PRKCG: variants seen among roughly 807,000 people sequenced by gnomAD.
PRKCG encodes protein kinase C gamma.
Under a neutral mutation model 82.0 loss-of-function variants are expected in PRKCG, and 28 were observed. The observed-to-expected ratio is 0.34, with a 90% confidence interval of 0.25 to 0.47. PRKCG has a LOEUF of 0.47. Among genes scored for constraint, PRKCG ranks in the 20% least tolerant of loss-of-function variants. PRKCG has a pLI of 1.00. For missense variants in PRKCG, 640 were observed against 952.7 expected (o/e 0.67, Z 4.32); for synonymous variants, 383 against 376.6 (o/e 1.02, Z -0.20).
At position 53,889,881 on chromosome 19, in the gene PRKCG, T is replaced by A. The variant is rs1394520939; in HGVS notation, c.398-5T>A. ...TGAGGTGCTACCCGCAGCTTTCCCC[T>A]CCAGGCTGCGAGATGAACGTGCACC... On this transcript the variant is annotated splice_polypyrimidine_tract_variant and splice_region_variant and intron_variant, in intron 4 of 17. Coordinates refer to ENST00000263431, the MANE Select transcript of PRKCG (RefSeq NM_002739.5). The surrounding 1 kb of genome is among the most constrained non-coding windows in gnomAD (Gnocchi z 4.4). The A allele has an allele frequency of 3.2e-6, 5 of 1,565,150 alleles. No homozygotes were observed. The highest frequency in any genetic ancestry group is 1.4e-5 in the African/African-American group (1 of 73,168).
intron 5 of PRKCG, 68 bp downstream of exon 5, chr19:53,890,085 C>T (rs1296983670): frequency 6.7e-7 from 1 of 1,496,902 alleles, no homozygotes; most frequent in African/African-American, 1.4e-5. Flanking sequence ...ACCCAAGGCA[C>T]TTGTGCTGGC....
chr19:53,892,786 A>G lies in PRKCG; in HGVS notation c.821+143A>G, dbSNP rs45496699. ...CACACACACACACACACACACGCACACACACGCACACACCCCTCTCTCTCT... is the reference window on the plus strand; with the variant it reads ...CACACACACACACACACACACGCACGCACACGCACACACCCCTCTCTCTCT... On this transcript the variant is annotated intron_variant, in intron 7 of 17. Transcript: ENST00000263431. This position sits in a 1 kb window ranked among gnomAD's most constrained non-coding sequence, Gnocchi z 5.9. The G allele has an allele frequency of 2.9e-5, 30 of 1,043,466 alleles. No homozygotes were observed. Among genetic ancestry groups the G allele is most frequent in the African/African-American group, 6.9e-5 (4 of 58,000 alleles). The allele number at this position is 1,043,466 out of a possible 1,614,324, so 64.6% of individuals were successfully genotyped here. A position where few individuals can be genotyped will look rare whatever the true frequency, so the allele number is the denominator to read the frequency against.
At position 53,889,941 on chromosome 19, in the gene PRKCG, T is replaced by C; in HGVS notation, c.453T>C (p.Gly151=). The change falls in exon 5 of 18, where the codon GGT becomes GGC. Residue 151 remains glycine, a synonymous_variant. Coordinates refer to ENST00000263431, the MANE Select transcript of PRKCG (RefSeq NM_002739.5). The surrounding 1 kb of genome is among the most constrained non-coding windows in gnomAD (Gnocchi z 4.4). ...TGCGTAGCGTGCCCTCCCTGTGCGGTGTGGACCACACCGAGCGCCGCGGGC... is the reference window on the plus strand; with the variant it reads ...TGCGTAGCGTGCCCTCCCTGTGCGGCGTGGACCACACCGAGCGCCGCGGGC... ...RCVRSVPSLC[G]VDHTERRGRL... 6.3e-7 allele frequency: 1 copy of C among 1,581,348 alleles called. No individual in the cohort carries two copies. Among genetic ancestry groups the C allele is most frequent in the Non-Finnish European group, 8.6e-7 (1 of 1,164,852 alleles).
At chr19:53,888,385 G>T (rs1373962087) in intron 3 of PRKCG, among the ~76,000 whole-genome samples, 1 of 152,120 alleles carries the variant, frequency 6.6e-6, no homozygotes, top group Non-Finnish European at 1.5e-5. Context: ...GGGGGTAGTG[G>T]GTGGCAGGGG....
Position 53,884,636 on chromosome 19 carries a change from G to A in PRKCG, c.285+393G>A, listed in dbSNP as rs562091271. On this transcript the variant is annotated intron_variant, in intron 3 of 17. Coordinates refer to ENST00000263431, the MANE Select transcript of PRKCG (RefSeq NM_002739.5). The surrounding 1 kb of genome is among the most constrained non-coding windows in gnomAD (Gnocchi z 4.6). ...AGGGAGAGGAACAGAGACAGAAGAA[G>A]ACAGAGACCTAGGAGAGACTGAAGC... Among the ~76,000 whole-genome samples, 4 of 152,262 alleles carry A rather than the reference G, an allele frequency of 2.6e-5. No individual in the cohort carries two copies. The East Asian group carries it at 7.7e-4, about 29-fold the overall frequency.
intron 17 of PRKCG, 57 bp from the exon 18 acceptor site, chr19:53,906,650 G>A (rs1318050257): frequency 1.3e-5 from 20 of 1,589,036 alleles, no homozygotes; most frequent in Non-Finnish European, 1.6e-5. Context: ...GTACACAGAG[G>A]GACACCCGAG....
intron 9 of PRKCG, among the ~76,000 whole-genome samples, chr19:53,897,224 G>C (rs753570439): frequency 1.3e-5 from 2 of 152,142 alleles, no homozygotes; most frequent in African/African-American, 4.8e-5. Context: ...GACATGACCT[G>C]GTTTATTTAT....
chr19:53,885,602 C>G (rs1340446114), intron 3 of PRKCG, among the ~76,000 whole-genome samples: 3 of 152,086 alleles, frequency 2.0e-5, no homozygotes, highest in Non-Finnish European at 4.4e-5. Flanking sequence ...CTGGACACTT[C>G]CAGGCTTGTT....
intron 5 of PRKCG, 117 bp from the exon 6 acceptor site, chr19:53,891,557 C>T (rs1309014413): frequency 6.1e-6 from 8 of 1,313,110 alleles, no homozygotes; most frequent in Non-Finnish European, 5.5e-6. Context: ...GCTGGGATTA[C>T]AGGCATGAGC....
chr19:53,890,554 T>C (rs1048930444), intron 5 of PRKCG, among the ~76,000 whole-genome samples: 4 of 151,740 alleles, frequency 2.6e-5, no homozygotes, highest in African/African-American at 4.8e-5. Flanking sequence ...CCACCGCGCC[T>C]GGCCAATGGC....
chr19:53,893,403 C>A lies in PRKCG; in HGVS notation c.939+12C>A. 1 of 1,612,590 alleles carries A rather than the reference C, an allele frequency of 6.2e-7. No homozygotes were observed. The highest frequency in any genetic ancestry group is 8.5e-7 in the Non-Finnish European group (1 of 1,178,594). ...TGGAATTGTATGAGGTGAGTAGAACCAGGGCGTTGAATGGAGGCAGTTTTT... is the reference window on the plus strand; with the variant it reads ...TGGAATTGTATGAGGTGAGTAGAACAAGGGCGTTGAATGGAGGCAGTTTTT... On this transcript the variant is annotated intron_variant, in intron 9 of 17. Transcript: ENST00000263431.
chr19:53,882,498 G>A lies in PRKCG; in HGVS notation c.4G>A (p.Ala2Thr), dbSNP rs201929642. Reference protein sequence around the residue: MAGLGPGVGDSE... With the variant: MTGLGPGVGDSE... ...TCCCTGCTACGTTTCTGGGGCCATG[G>A]CTGGTCTGGGCCCCGGCGTAGGCGA... Residue 2 changes from alanine (A) to threonine (T), a missense_variant, in exon 1 of 18, where the codon GCT becomes ACT. Transcript: ENST00000263431. This position sits in a 1 kb window ranked among gnomAD's most constrained non-coding sequence, Gnocchi z 6.1. 6.2e-7 allele frequency: 1 copy of A among 1,613,694 alleles called. No individual in the cohort carries two copies. Among genetic ancestry groups the A allele is most frequent in the Non-Finnish European group, 8.5e-7 (1 of 1,179,796 alleles).
upstream of PRKCG, among the ~76,000 whole-genome samples, chr19:53,881,147 G>A (rs2122970115): frequency 6.9e-6 from 1 of 145,448 alleles, no homozygotes; most frequent in African/African-American, 2.5e-5. Context: ...GAGAGAGAGA[G>A]ATCAACAGAG....
At chr19:53,881,412 C>T (rs143436829), upstream of PRKCG, among the ~76,000 whole-genome samples, 1 of 151,240 alleles carries the variant, frequency 6.6e-6, no homozygotes, top group African/African-American at 2.4e-5. Flanking sequence ...AGAGTCACAG[C>T]CTGAGAGAGA....
At chr19:53,906,623 C>A in intron 17 of PRKCG, 84 bp from the exon 18 acceptor site, 1 of 1,560,332 alleles carries the variant, frequency 6.4e-7, no homozygotes, top group Non-Finnish European at 8.8e-7. Flanking sequence ...CTGCAGGAGA[C>A]AGGAGATGAG....
Position 53,884,086 on chromosome 19 carries a change from A to C in PRKCG, c.203-75A>C, listed in dbSNP as rs1275434356. ...TGTCCGAGTTCCGCTCTCTCTTTCC[A>C]ATTTTCTGTCTGCTGGGGTCTCCCG... On this transcript the variant is annotated intron_variant, in intron 2 of 17. Transcript: ENST00000263431. This position sits in a 1 kb window ranked among gnomAD's most constrained non-coding sequence, Gnocchi z 4.6. 1 of 1,452,444 alleles carries C rather than the reference A, an allele frequency of 6.9e-7. No individual in the cohort carries two copies. Among genetic ancestry groups the C allele is most frequent in the Non-Finnish European group, 9.6e-7 (1 of 1,036,612 alleles). 90.0% of individuals were successfully genotyped at this position (1,452,444 alleles called of 1,614,324 possible).
At chr19:53,906,078 CCTCCTCCTTCTTCTT>C (rs2068805524) in intron 16 of PRKCG, among the ~76,000 whole-genome samples, 1 of 43,792 alleles carries the variant, frequency 2.3e-5, no homozygotes, top group Non-Finnish European at 3.7e-5. Context: ...TCCTCCTCCT[CCTCCTCCTTCTTCTT>C]CTTCTTCTTC....
Position 53,889,907 on chromosome 19 carries a change from G to T in PRKCG, c.419G>T (p.Arg140Leu). 1 of 1,583,934 alleles carries T rather than the reference G, an allele frequency of 6.3e-7. No homozygotes were observed. The highest frequency in any genetic ancestry group is 8.6e-7 in the Non-Finnish European group (1 of 1,165,874). ...CCAGGCTGCGAGATGAACGTGCACC[G>T]GCGCTGTGTGCGTAGCGTGCCCTCC... ...KCSCCEMNVHRRCVRSVPSLC... is the reference protein window; with the variant it reads ...KCSCCEMNVHLRCVRSVPSLC... Residue 140 changes from arginine to leucine, a missense_variant, in exon 5 of 18, where the codon CGG (arginine) becomes CTG (leucine). This residue lies in a region of PRKCG where 261 missense variants were observed against 312.1 expected (regional missense o/e 0.84). Coordinates refer to ENST00000263431, the MANE Select transcript of PRKCG (RefSeq NM_002739.5). The surrounding 1 kb of genome is among the most constrained non-coding windows in gnomAD (Gnocchi z 4.4).
intron 3 of PRKCG, among the ~76,000 whole-genome samples, chr19:53,886,883 A>G (rs1032062095): frequency 1.3e-5 from 2 of 152,232 alleles, no homozygotes; most frequent in Admixed American, 6.5e-5. Flanking sequence ...AGTGGAGATG[A>G]TAATTATGCT....
Sources: gnomAD v4.1 joint callset for allele counts (sites outside exome capture counted in the v4.1 genomes callset) on GRCh38, gnomAD v4.1.1 for gene constraint, gnomAD v4.1.1 regional missense constraint, Gnocchi (gnomAD v3.1) non-coding constraint, MANE v1.5 for transcripts, NCBI Gene and HGNC (gene_info 2026-07-23, HGNC 2026-07-21) for gene names.